The following ARL9 variants were observed in gnomAD, a reference collection of about 807,000 sequenced individuals.
ARL9 encodes the protein ADP-ribosylation factor-like protein 9.
ARL9 carries 14 observed loss-of-function variants against 27.0 expected under a neutral mutation model. The observed-to-expected ratio is 0.52, with a 90% CI of 0.34 to 0.81. The LOEUF is 0.81. Ranked by LOEUF, ARL9 falls within the 30% of genes least tolerant of loss-of-function variation. The probability of loss-of-function intolerance (pLI) is 0.01; values close to 1 mark genes in which losing one functional copy is unlikely to be tolerated. For missense variants in ARL9, 294 were observed against 290.0 expected, an observed-to-expected ratio of 1.01 and a Z score of -0.10; for synonymous variants, 106 against 108.7, an observed-to-expected ratio of 0.98 and a Z score of 0.15.
At chr4:56,513,202 G>A (rs1487976424) in intron 2 of ARL9, among the ~76,000 whole-genome samples, 1 of 152,202 alleles carries the variant, frequency 6.6e-6, no homozygotes, top group Non-Finnish European at 1.5e-5. Flanking sequence ...CTTCTAAGGA[G>A]GCTTTTTTTT....
chr4:56,505,717 C>G, upstream of ARL9: 6 of 1,344,212 alleles, frequency 4.5e-6, no homozygotes, highest in Non-Finnish European at 5.8e-6. Flanking sequence ...GGCGGCGGTG[C>G]CGGGGTTGGC....
chr4:56,522,556 A>G (rs1365602323), intron 3 of ARL9, among the ~76,000 whole-genome samples: 1 of 152,230 alleles, frequency 6.6e-6, no homozygotes, highest in Non-Finnish European at 1.5e-5. Flanking sequence ...TACAAATGCA[A>G]TTTTAGAAGT....
At chr4:56,516,857 A>G (rs778130331) in intron 2 of ARL9, among the ~76,000 whole-genome samples, 1 of 152,210 alleles carries the variant, frequency 6.6e-6, no homozygotes, top group Non-Finnish European at 1.5e-5. Flanking sequence ...TGAGCCCAGA[A>G]GGCAGAGGTT....
At chr4:56,505,279 G>C (rs1721417137), upstream of ARL9, 2 of 406,056 alleles carry the variant, frequency 4.9e-6, no homozygotes, top group Non-Finnish European at 1.0e-5. Context: ...GACACTCCTA[G>C]CGGAGTTTAC....
chr4:56,518,639 T>TTG lies in ARL9; in HGVS notation c.443-27_443-26dup, dbSNP rs370765787. 1.8e-5 allele frequency: 28 copies of TTG among 1,570,328 alleles called. No homozygotes were observed. The South Asian group carries it at 2.1e-4, about 12-fold the overall frequency. On this transcript the variant is annotated intron_variant, in intron 2 of 3. Coordinates refer to ENST00000640821, the MANE Select transcript of ARL9 (RefSeq NM_001363794.2). Reference sequence around the variant, plus strand: ...TCCCTGGGTGGGTGCTTCTGTGATTTTGTGTGTGTGTGTCTTCTTCCTCTA... The same window carrying TTG: ...TCCCTGGGTGGGTGCTTCTGTGATTTTGTGTGTGTGTGTGTCTTCTTCCTCTA...
At chr4:56,517,561 T>C (rs998724249) in intron 2 of ARL9, among the ~76,000 whole-genome samples, 2 of 151,118 alleles carry the variant, frequency 1.3e-5, no homozygotes, top group Admixed American at 1.3e-4. Flanking sequence ...TTAGAAAATG[T>C]TATTCTGTCT....
chr4:56,522,813 C>T (rs1005783941), intron 3 of ARL9, among the ~76,000 whole-genome samples: 2 of 152,166 alleles, frequency 1.3e-5, no homozygotes, highest in African/African-American at 4.8e-5. Context: ...ATCTCTTTCC[C>T]TGTCTCTCCT....
chr4:56,518,147 C>T (rs188721088), intron 2 of ARL9, among the ~76,000 whole-genome samples: 1 of 152,128 alleles, frequency 6.6e-6, no homozygotes, highest in African/African-American at 2.4e-5. Flanking sequence ...GGTAGCACCA[C>T]AGGCATGCAC....
At chr4:56,522,289 C>T (rs1202061376) in intron 3 of ARL9, among the ~76,000 whole-genome samples, 4 of 152,020 alleles carry the variant, frequency 2.6e-5, no homozygotes, top group African/African-American at 4.8e-5. Context: ...GGTGTGGTGG[C>T]GCACACCTGT....
chr4:56,507,977 A>AAG (rs1421632553), intron 1 of ARL9, among the ~76,000 whole-genome samples: 1 of 152,002 alleles, frequency 6.6e-6, no homozygotes, highest in Admixed American at 6.6e-5. Flanking sequence ...AAAAAAAAAA[A>AAG]AAAAAATTCT....
chr4:56,510,124 C>A (rs1721592377), intron 1 of ARL9, among the ~76,000 whole-genome samples: 1 of 151,446 alleles, frequency 6.6e-6, no homozygotes, highest in Non-Finnish European at 1.5e-5. Context: ...TTTTGGGAGG[C>A]CAAGGTGGGC....
At chr4:56,513,722 G>C (rs1354065563) in intron 2 of ARL9, among the ~76,000 whole-genome samples, 1 of 152,158 alleles carries the variant, frequency 6.6e-6, no homozygotes, top group Non-Finnish European at 1.5e-5. Context: ...TTAATCTGCA[G>C]TGGGCCTGAG....
At chr4:56,513,935 C>T (rs867567056) in intron 2 of ARL9, among the ~76,000 whole-genome samples, 4 of 152,016 alleles carry the variant, frequency 2.6e-5, no homozygotes, top group African/African-American at 7.3e-5. Flanking sequence ...TTTGAGAGGC[C>T]GGGGCAGGTG....
chr4:56,509,759 G>C (rs1378158311), intron 1 of ARL9, among the ~76,000 whole-genome samples: 1 of 145,630 alleles, frequency 6.9e-6, no homozygotes, highest in Non-Finnish European at 1.5e-5. Context: ...CCAGGCTGGA[G>C]TGCAGTGGCA....
Position 56,518,705 on chromosome 4 carries a change from A to G in ARL9, c.470A>G (p.Tyr157Cys). The change falls in exon 3 of 4, where the codon TAC becomes TGC. Residue 157 changes from tyrosine to cysteine, a missense_variant. Transcript: ENST00000640821. Reference protein sequence around the residue: ...EIGGSKPFRSYWEMYLSKGLL... With the variant: ...EIGGSKPFRSCWEMYLSKGLL... ...GGTGGCAGTAAACCTTTTCGGTCCT[A>G]CTGGGAAATGTACCTATCCAAGGGA... The G allele has an allele frequency of 1.9e-6, 3 of 1,613,578 alleles. No individual in the cohort carries two copies. Among genetic ancestry groups the G allele is most frequent in the East Asian group, 2.2e-5 (1 of 44,866 alleles).
chr4:56,505,879 T>A lies in ARL9; in HGVS notation c.17T>A (p.Val6Glu). Residue 6 changes from valine (V) to glutamate (E), a missense_variant, in exon 1 of 4, where the codon GTG (valine) becomes GAG (glutamate). Physicochemically the swap from Val to Glu is moderately radical, Grantham distance 121. Coordinates refer to ENST00000640821, the MANE Select transcript of ARL9 (RefSeq NM_001363794.2). ...GCGCTGGGGATGGAGAGGGGGAAAG[T>A]GAAGAAGAAAGAGAAGGAAAAGGAG... is the stretch of plus-strand genomic sequence containing the variant. The part of the protein sequence containing the change: MERGK[V>E]KKKEKEKETQ... 2 of 1,256,716 alleles carry A rather than the reference T, an allele frequency of 1.6e-6. No homozygotes were observed. The highest frequency in any genetic ancestry group is 3.4e-5 in the South Asian group (1 of 29,492). The allele number at this position is 1,256,716 out of a possible 1,614,324, so 77.8% of individuals were successfully genotyped here.
rs759638060 is a variant in ARL9, at chr4:56,511,359, G to C, written c.442+12G>C. ...GGAGTTCCTGGAGAGTAAGCTCTCT[G>C]TTCCTTAGTTATAAGATAGCCACAT... On this transcript the variant is annotated intron_variant, in intron 2 of 3. Transcript: ENST00000640821. The C allele has an allele frequency of 1.2e-6, 2 of 1,603,842 alleles. No individual in the cohort carries two copies. Among genetic ancestry groups the C allele is most frequent in the Non-Finnish European group, 1.7e-6 (2 of 1,173,778 alleles).
At chr4:56,517,385 A>G (rs760886355) in intron 2 of ARL9, among the ~76,000 whole-genome samples, 1 of 152,246 alleles carries the variant, frequency 6.6e-6, no homozygotes. Flanking sequence ...GTCAAGAACT[A>G]CATAGGAACT....
At chr4:56,510,043 T>G (rs991304579) in intron 1 of ARL9, among the ~76,000 whole-genome samples, 147 of 152,064 alleles carry the variant, frequency 9.7e-4, no homozygotes, top group African/African-American at 3.3e-3. Context: ...CCTTTTCATT[T>G]AATTGTGATA....
Sources: gnomAD v4.1 joint callset for allele counts (sites outside exome capture counted in the v4.1 genomes callset) on GRCh38, gnomAD v4.1.1 for gene constraint, MANE v1.5 for transcripts, NCBI Gene and HGNC (gene_info 2026-07-23, HGNC 2026-07-21) for gene names.